KAT8: variants seen among roughly 807,000 people sequenced by gnomAD.
KAT8 encodes histone acetyltransferase KAT8.
In KAT8, 40 loss-of-function variants were observed where a neutral mutation model predicts 62.9. That is an observed-to-expected ratio of 0.64 (90% CI 0.49 to 0.83). KAT8 has a LOEUF of 0.83. KAT8 is among the 40% of genes least tolerant of loss of function. KAT8 has a pLI of 0.00. For missense variants in KAT8, 387 were observed against 614.8 expected (o/e 0.63, Z 3.92); for synonymous variants, 278 against 254.5 (o/e 1.09, Z -0.88).
intron 3 of KAT8, chr16:31,121,066 G>A (rs1456894878): frequency 1.3e-5 from 2 of 150,508 alleles, no homozygotes; most frequent in African/African-American, 5.0e-5. Context: ...GTGAGCAGAA[G>A]TATTCAGCTA....
At chr16:31,130,989 A>T in intron 10 of KAT8, 89 bp downstream of exon 10, 1 of 1,541,522 alleles carries the variant, frequency 6.5e-7, no homozygotes, top group East Asian at 2.4e-5. Flanking sequence ...TTGCTGTCAC[A>T]TGATCCCAAA....
chr16:31,117,698 C>T lies in KAT8; in HGVS notation c.17C>T (p.Ala6Val), dbSNP rs747791051. MAAQG[A>V]AAAVAAGTSG... ...CTTCCCGCGATGGCGGCACAGGGAG[C>T]TGCTGCGGCGGTTGCGGCGGGGACT... The change falls in exon 1 of 11, where the codon GCT (alanine) becomes GTT (valine). Residue 6 changes from alanine to valine, a missense_variant. Around this residue, in one of 6 missense-constraint regions of KAT8, gnomAD observed 92 missense variants for 78.8 expected, o/e 1.17. Coordinates refer to ENST00000219797, the MANE Select transcript of KAT8 (RefSeq NM_032188.3). 3 of 1,402,258 alleles carry T rather than the reference C, an allele frequency of 2.1e-6. No individual in the cohort carries two copies. Among genetic ancestry groups the T allele is most frequent in the South Asian group, 1.5e-5 (1 of 65,398 alleles). 86.9% of individuals were successfully genotyped at this position (1,402,258 alleles called of 1,614,324 possible).
At chr16:31,120,536 CG>C (rs2143966946) in intron 3 of KAT8, 22 bp downstream of exon 3, 1 of 1,588,428 alleles carries the variant, frequency 6.3e-7, no homozygotes, top group East Asian at 2.3e-5. Context: ...TTCCCATCCA[CG>C]GGCCCAGGAG....
chr16:31,126,944 A>G, intron 3 of KAT8, 91 bp from the exon 4 acceptor site: 1 of 1,357,942 alleles, frequency 7.4e-7, no homozygotes, highest in Non-Finnish European at 1.0e-6. Context: ...GAGGTCTGGT[A>G]GACGGCAGGG....
rs375857324 is a variant in KAT8 at position 31,130,263 on chromosome 16, G to T, written c.913-4G>T. ...CAGCGGCCCTGAGCACCTGCCTCCT[G>T]CAGGAGAAGGAGTCCCCGGATGGAA... On this transcript the variant is annotated splice_polypyrimidine_tract_variant and splice_region_variant and intron_variant, in intron 7 of 10. Transcript: ENST00000219797. 3 of 1,613,960 alleles carry T rather than the reference G, an allele frequency of 1.9e-6. No homozygotes were observed. The highest frequency in any genetic ancestry group is 2.7e-5 in the African/African-American group (2 of 74,916).
intron 1 of KAT8, among the ~76,000 whole-genome samples, chr16:31,119,768 C>T (rs115542607): frequency 1.4e-4 from 22 of 152,098 alleles, no homozygotes; most frequent in African/African-American, 4.6e-4. Context: ...CCTTGCCTCC[C>T]AGGTTCAAGC....
rs752278922 is a variant in KAT8, at chr16:31,130,090, C to A, written c.845C>A (p.Pro282Gln). Residue 282 changes from proline to glutamine, a missense_variant, in exon 7 of 11, where the codon CCG becomes CAG. By Grantham distance (76) the Pro-to-Gln change is moderately conservative. Coordinates refer to ENST00000219797, the MANE Select transcript of KAT8 (RefSeq NM_032188.3). ...DHKTLYFDVE[P>Q]FVFYILTEVD... is the part of the protein sequence containing the mutation. ...AAGACACTGTACTTTGACGTGGAGC[C>A]GTTCGTCTTTTACATCCTGACTGAG... 3 of 1,608,984 alleles carry A rather than the reference C, an allele frequency of 1.9e-6. No individual in the cohort carries two copies. The highest frequency in any genetic ancestry group is 2.5e-6 in the Non-Finnish European group (3 of 1,177,622).
rs149977045 is a variant in KAT8, at chr16:31,129,609, G to A, written c.772-408G>A. Among the ~76,000 whole-genome samples, 57 of 152,268 alleles carry A rather than the reference G, an allele frequency of 3.7e-4. No individual in the cohort carries two copies. The East Asian group carries it at 0.01, about 28-fold the overall frequency. On this transcript the variant is annotated intron_variant, in intron 6 of 10. Coordinates refer to ENST00000219797, the MANE Select transcript of KAT8 (RefSeq NM_032188.3). ...CTCGAGGTTCCTCCATTCAGCAGACGTTTACCAGGCACCCAGCTTCATACT... is the reference window on the plus strand; with the variant it reads ...CTCGAGGTTCCTCCATTCAGCAGACATTTACCAGGCACCCAGCTTCATACT...
intron 3 of KAT8, among the ~76,000 whole-genome samples, chr16:31,124,276 T>C (rs1369496325): frequency 6.6e-6 from 1 of 152,236 alleles, no homozygotes; most frequent in African/African-American, 2.4e-5. Context: ...CACCTCTTTG[T>C]GCCTCAGTTT....
chr16:31,117,844 GT>G lies in KAT8; in HGVS notation c.164del (p.Val55GlyfsTer21). On this transcript the variant is annotated frameshift_variant, in exon 1 of 11. Transcript: ENST00000219797. LOFTEE classifies it high-confidence loss of function. ...TPARGEPEVT[V>X]EIGETYLCRR... The stretch of plus-strand genomic sequence containing the variant: ...GGCGCGCGGCGAGCCGGAAGTCACG[GT>G]GGAGATCGGAGAAACGTACCTGTGC... 3.5e-6 allele frequency: 5 copies of G among 1,440,256 alleles called. No homozygotes were observed. Among genetic ancestry groups the G allele is most frequent in the Non-Finnish European group, 4.6e-6 (5 of 1,087,112 alleles). The allele number at this position is 1,440,256 out of a possible 1,614,324, so 89.2% of individuals were successfully genotyped here. A position where few individuals can be genotyped will look rare whatever the true frequency, so the allele number is the denominator to read the frequency against.
rs1342522851 is a variant in KAT8, at chr16:31,119,839, C to CT, written c.212-335dup. On this transcript the variant is annotated intron_variant, in intron 1 of 10. Transcript: ENST00000219797. ...TACAGGTGTGTGCCACCATGCCTGG[C>CT]TTTTTTTTTTTTCGTCTTTTTGGTA... 4.1e-3 allele frequency among the ~76,000 whole-genome samples: 598 copies of CT among 144,538 alleles called. 2 individuals are homozygous for CT. The highest frequency in any genetic ancestry group is 0.012 in the African/African-American group (454 of 39,438). 94.8% of individuals were successfully genotyped at this position (144,538 alleles called of 152,430 possible). A position where few individuals can be genotyped will look rare whatever the true frequency, so the allele number is the denominator to read the frequency against.
rs2057460508 is a variant in KAT8 at position 31,117,874 on chromosome 16, C to A, written c.193C>A (p.Arg65=). 6 of 1,399,010 alleles carry A rather than the reference C, an allele frequency of 4.3e-6. No individual in the cohort carries two copies. The highest frequency in any genetic ancestry group is 6.0e-5 in the East Asian group (2 of 33,368). The allele number at this position is 1,399,010 out of a possible 1,614,324, so 86.7% of individuals were successfully genotyped here. Residue 65 remains arginine (R), a synonymous_variant, in exon 1 of 11, where the codon CGA becomes AGA. Coordinates refer to ENST00000219797, the MANE Select transcript of KAT8 (RefSeq NM_032188.3). ...VEIGETYLCR[R]PDSTWHSAEV... ...GATCGGAGAAACGTACCTGTGCCGGCGACCGGATAGCACCTGGCGTGAGGG... is the reference window on the plus strand; with the variant it reads ...GATCGGAGAAACGTACCTGTGCCGGAGACCGGATAGCACCTGGCGTGAGGG...
intron 3 of KAT8, among the ~76,000 whole-genome samples, chr16:31,122,903 T>C (rs2143973430): frequency 6.6e-6 from 1 of 151,584 alleles, no homozygotes. Flanking sequence ...TTTTAAATTA[T>C]GGGTGCAGTG....
Position 31,120,369 on chromosome 16 carries a change from A to G in KAT8, c.317A>G (p.Lys106Arg). The change falls in exon 3 of 11, where the codon AAG (lysine) becomes AGG (arginine). Residue 106 changes from lysine (K) to arginine (R), a missense_variant. Physicochemically the swap from Lys to Arg is conservative, Grantham distance 26 (BLOSUM62 2). Transcript: ENST00000219797. ...FNRRLDEWVD[K>R]NRLALTKTVK... ...CGGCGGCTGGACGAGTGGGTAGACA[A>G]GAACCGGCTGGCGCTGACCAAGACA... The G allele has an allele frequency of 6.2e-7, 1 of 1,614,048 alleles. No homozygotes were observed. Among genetic ancestry groups the G allele is most frequent in the East Asian group, 2.2e-5 (1 of 44,872 alleles).
intron 5 of KAT8, among the ~76,000 whole-genome samples, chr16:31,127,585 G>A (rs1683338557): frequency 6.6e-6 from 1 of 152,214 alleles, no homozygotes. Flanking sequence ...CTCTGGAATG[G>A]GGACAGTAAC....
At chr16:31,122,100 GATTTGTCAAAGTCTCCAGACACCCAGAC>G (rs1428142025) in intron 3 of KAT8, 1 of 152,172 alleles carries the variant, frequency 6.6e-6, no homozygotes, top group Non-Finnish European at 1.5e-5. Flanking sequence ...ACCAGAGCAA[GATTTGTCAAAGTCTCCAGACACCCAGAC>G]ATTTGTTACT....
chr16:31,125,082 C>T (rs1267611605), intron 3 of KAT8, among the ~76,000 whole-genome samples: 3 of 151,698 alleles, frequency 2.0e-5, no homozygotes, highest in African/African-American at 7.3e-5. Context: ...GTCTCAGCCA[C>T]TTGGGAGGCT....
rs764463624 is a variant in KAT8 at position 31,130,705 on chromosome 16, A to C, written c.1158-41A>C. Reference sequence around the variant, plus strand: ...GTCACCATCCTGGCCAGATCCCACAAGGGCACCAGGTCTGGCATTTGCTCT... The same window carrying C: ...GTCACCATCCTGGCCAGATCCCACACGGGCACCAGGTCTGGCATTTGCTCT... On this transcript the variant is annotated intron_variant, in intron 9 of 10. Coordinates refer to ENST00000219797, the MANE Select transcript of KAT8 (RefSeq NM_032188.3). The C allele has an allele frequency of 2.5e-6, 4 of 1,612,112 alleles. No individual in the cohort carries two copies. In the South Asian group the frequency reaches 4.4e-5, roughly 18 times the overall value.
intron 3 of KAT8, chr16:31,121,085 T>TTCTGTG (rs113125305): frequency 7.0e-6 from 1 of 142,992 alleles, no homozygotes; most frequent in African/African-American, 2.6e-5. Flanking sequence ...TAAATGGTTT[T>TTCTGTG]TGTGTGTGTG....
Sources: allele counts gnomAD v4.1 joint callset (sites outside exome capture counted in the v4.1 genomes callset), GRCh38; gene constraint gnomAD v4.1.1; regional missense constraint gnomAD v4.1.1; transcripts MANE v1.5; gene names NCBI Gene and HGNC (gene_info 2026-07-23, HGNC 2026-07-21).